Variants in MTUS2 observed in about 807,000 individuals in gnomAD.
MTUS2 encodes the protein microtubule associated scaffold protein 2.
In MTUS2, 40 loss-of-function variants were observed where a neutral mutation model predicts 114.1. The observed-to-expected ratio is 0.35, with a 90% CI of 0.27 to 0.46. The LOEUF (loss-of-function observed/expected upper bound fraction) is 0.46. Ranked by LOEUF, MTUS2 falls within the 20% of genes least tolerant of loss-of-function variation. The pLI, the probability that MTUS2 is intolerant of heterozygous loss-of-function variation, is 1.00. For synonymous variants in MTUS2, 688 were observed against 672.0 expected (o/e 1.02, Z -0.37); for missense variants, 1,679 against 1,705.4 (o/e 0.98, Z 0.27).
At chr13:29,194,758 G>T (rs1258395400) in intron 5 of MTUS2, among the ~76,000 whole-genome samples, 383 of 151,850 alleles carry the variant, frequency 2.5e-3, no homozygotes, top group African/African-American at 8.6e-3. Flanking sequence ...TATACCCAAA[G>T]GACTATAAAT....
chr13:29,018,753 C>T (rs973304188), intron 2 of MTUS2, among the ~76,000 whole-genome samples: 11 of 150,118 alleles, frequency 7.3e-5, no homozygotes, highest in Middle Eastern at 3.2e-3. Flanking sequence ...GAGTGAGATT[C>T]GGTCTCCAGC....
chr13:28,875,099 T>G (rs1048420286), intron 2 of MTUS2, among the ~76,000 whole-genome samples: 6 of 152,192 alleles, frequency 3.9e-5, no homozygotes, highest in Non-Finnish European at 8.8e-5. Flanking sequence ...AGTAAAAATG[T>G]GTTAAATGAA....
chr13:29,395,609 A>G (rs1032497830), intron 8 of MTUS2, among the ~76,000 whole-genome samples: 18 of 152,180 alleles, frequency 1.2e-4, no homozygotes, highest in African/African-American at 4.3e-4. Context: ...AATCTGCTGC[A>G]CTTATGCATG....
intron 5 of MTUS2, among the ~76,000 whole-genome samples, chr13:29,169,333 G>T (rs187809318): frequency 1.3e-5 from 2 of 152,140 alleles, no homozygotes; most frequent in Non-Finnish European, 2.9e-5. Flanking sequence ...TTATGCGTAG[G>T]TAAGACAGCT....
chr13:28,904,453 G>C (rs1879853821), intron 2 of MTUS2, among the ~76,000 whole-genome samples: 1 of 152,184 alleles, frequency 6.6e-6, no homozygotes, highest in South Asian at 2.1e-4. Flanking sequence ...AAGGGATCCA[G>C]TTTCAGCTTT....
intron 5 of MTUS2, among the ~76,000 whole-genome samples, chr13:29,191,178 C>T (rs1428733592): frequency 6.6e-6 from 1 of 152,026 alleles, no homozygotes; most frequent in Non-Finnish European, 1.5e-5. Flanking sequence ...CTTGGAGATT[C>T]AGAAATCAAG....
At chr13:29,166,214 A>G (rs1434711706) in intron 5 of MTUS2, among the ~76,000 whole-genome samples, 1 of 152,208 alleles carries the variant, frequency 6.6e-6, no homozygotes, top group Admixed American at 6.5e-5. Flanking sequence ...TACATGTATA[A>G]TATTTACTTC....
At position 28,829,474 on chromosome 13, in the gene MTUS2, G is replaced by A. The variant is rs563774086; in HGVS notation, c.-316+8863G>A. Among the ~76,000 whole-genome samples, 174 of 152,190 alleles carry A rather than the reference G, an allele frequency of 1.1e-3. No homozygotes were observed. In the Middle Eastern group the frequency reaches 0.014, roughly 12 times the overall value. ...TTGAACCCGGGAGGTGGAGGTTGCA[G>A]TGAGCTGAGATTGCGCCACTGAACT... On this transcript the variant is annotated intron_variant, in intron 1 of 15. Transcript: ENST00000612955.
chr13:28,938,081 C>A (rs1026709419), intron 2 of MTUS2, among the ~76,000 whole-genome samples: 1 of 152,192 alleles, frequency 6.6e-6, no homozygotes, highest in Non-Finnish European at 1.5e-5. Flanking sequence ...TTAAACATCG[C>A]TGACTTTATT....
chr13:28,898,076 T>C (rs1879397144), intron 2 of MTUS2, among the ~76,000 whole-genome samples: 1 of 151,758 alleles, frequency 6.6e-6, no homozygotes, highest in Admixed American at 6.6e-5. Flanking sequence ...GAAGTTTTGT[T>C]TGGGGGGCTG....
At chr13:28,921,458 C>G (rs796577586) in intron 2 of MTUS2, among the ~76,000 whole-genome samples, 3 of 152,262 alleles carry the variant, frequency 2.0e-5, no homozygotes, top group African/African-American at 7.2e-5. Context: ...AGGAAGGGGT[C>G]TTTTCTGTTG....
intron 6 of MTUS2, among the ~76,000 whole-genome samples, chr13:29,287,925 T>C (rs552690322): frequency 5.9e-5 from 9 of 152,178 alleles, no homozygotes; most frequent in East Asian, 1.9e-4. Context: ...TATTAAAACG[T>C]TGACCGATGT....
intron 5 of MTUS2, among the ~76,000 whole-genome samples, chr13:29,274,018 C>T (rs1897970622): frequency 6.6e-6 from 1 of 152,146 alleles, no homozygotes; most frequent in Non-Finnish European, 1.5e-5. Flanking sequence ...CATATGTTTT[C>T]AGTTTTCTTG....
intron 5 of MTUS2, among the ~76,000 whole-genome samples, chr13:29,195,258 A>ATAAAT (rs56030916): frequency 0.74 from 110,824 of 150,366 alleles, 40,932 homozygotes; most frequent in East Asian, 0.8. Context: ...ATAAAATAAA[A>ATAAAT]TAAAATAAAA....
At chr13:29,475,164 C>T (rs1286059160) in intron 9 of MTUS2, among the ~76,000 whole-genome samples, 1 of 152,102 alleles carries the variant, frequency 6.6e-6, no homozygotes, top group African/African-American at 2.4e-5. Flanking sequence ...CAAAGGTGGT[C>T]CCACAAGATT....
chr13:29,389,253 A>G (rs1401377674), intron 8 of MTUS2, among the ~76,000 whole-genome samples: 2 of 149,316 alleles, frequency 1.3e-5, no homozygotes, highest in African/African-American at 5.0e-5. Flanking sequence ...ATATATATGT[A>G]TACACATGTG....
chr13:29,313,850 A>T (rs2139649354), intron 6 of MTUS2, among the ~76,000 whole-genome samples: 1 of 152,318 alleles, frequency 6.6e-6, no homozygotes, highest in African/African-American at 2.4e-5. Flanking sequence ...TGAGATTTAG[A>T]ATAGCATCAG....
intron 8 of MTUS2, among the ~76,000 whole-genome samples, chr13:29,388,486 G>GC (rs1872785402): frequency 6.6e-6 from 1 of 151,146 alleles, no homozygotes; most frequent in African/African-American, 2.4e-5. Flanking sequence ...TTCTCTAGGG[G>GC]CCCAAGTCTG....
intron 2 of MTUS2, among the ~76,000 whole-genome samples, chr13:28,897,135 A>T (rs1879323473): frequency 6.6e-6 from 1 of 152,182 alleles, no homozygotes; most frequent in Non-Finnish European, 1.5e-5. Context: ...ATAGGAGAAA[A>T]TTTTTGCAAT....
Sources: allele counts gnomAD v4.1 joint callset (sites outside exome capture counted in the v4.1 genomes callset), GRCh38; gene constraint gnomAD v4.1.1; transcripts MANE v1.5; gene names NCBI Gene and HGNC (gene_info 2026-07-23, HGNC 2026-07-21).